The following GMDS variants were observed in gnomAD, a reference collection of about 807,000 sequenced individuals.
The protein encoded by GMDS is GDP-mannose 4,6 dehydratase.
GMDS carries 20 observed loss-of-function variants against 49.9 expected under a neutral mutation model. The ratio of observed to expected loss-of-function variants is 0.40; its 90% CI spans 0.28 to 0.58. GMDS has a LOEUF of 0.58. GMDS is among the 20% of genes least tolerant of loss of function. The pLI, the probability that GMDS is intolerant of heterozygous loss-of-function variation, is 0.42. For missense variants in GMDS, 362 were observed against 481.4 expected (o/e 0.75, Z 2.32); for synonymous variants, 177 against 178.6 (o/e 0.99, Z 0.07).
intron 9 of GMDS, among the ~76,000 whole-genome samples, chr6:1,664,316 A>G (rs1406387406): frequency 6.6e-6 from 1 of 152,208 alleles, no homozygotes; most frequent in African/African-American, 2.4e-5. Flanking sequence ...GGATCATCCA[A>G]GCATCTCCTT....
At chr6:1,659,155 T>C (rs1763985011) in intron 9 of GMDS, among the ~76,000 whole-genome samples, 1 of 151,310 alleles carries the variant, frequency 6.6e-6, no homozygotes, top group Non-Finnish European at 1.5e-5. Context: ...TCCTGCTCTG[T>C]GGAGGGAGGC....
intron 1 of GMDS, among the ~76,000 whole-genome samples, chr6:2,214,935 T>C (rs1238552666): frequency 1.3e-5 from 2 of 152,192 alleles, no homozygotes; most frequent in Admixed American, 6.5e-5. Context: ...TCTTCAATGG[T>C]TGCTGATATT....
At chr6:2,039,215 T>G (rs1039108835) in intron 4 of GMDS, among the ~76,000 whole-genome samples, 1 of 152,154 alleles carries the variant, frequency 6.6e-6, no homozygotes, top group African/African-American at 2.4e-5. Context: ...TGAAAAATGG[T>G]ACATCCGTAT....
At chr6:1,726,578 C>T in intron 8 of GMDS, 66 bp from the exon 9 acceptor site, 1 of 1,128,320 alleles carries the variant, frequency 8.9e-7, no homozygotes, top group East Asian at 2.3e-5. Context: ...TGCTGTAGCA[C>T]CTTGGGATGC....
chr6:1,810,455 G>A (rs2113678923), intron 7 of GMDS, among the ~76,000 whole-genome samples: 1 of 152,170 alleles, frequency 6.6e-6, no homozygotes, highest in African/African-American at 2.4e-5. Flanking sequence ...GCTAATTTTT[G>A]TATTTTTAGT....
chr6:2,111,781 CTTT>C (rs915469036), intron 4 of GMDS, among the ~76,000 whole-genome samples: 1 of 152,144 alleles, frequency 6.6e-6, no homozygotes, highest in African/African-American at 2.4e-5. Context: ...TCAGAAGTAA[CTTT>C]TTTTGTCTAA....
chr6:1,987,858 A>G (rs1028498769), intron 4 of GMDS, among the ~76,000 whole-genome samples: 3 of 152,210 alleles, frequency 2.0e-5, no homozygotes, highest in Admixed American at 6.5e-5. Flanking sequence ...CCATTTAAGT[A>G]TTATGACAAG....
chr6:1,639,315 C>T (rs551086450), intron 9 of GMDS, among the ~76,000 whole-genome samples: 22 of 152,328 alleles, frequency 1.4e-4, no homozygotes, highest in African/African-American at 3.1e-4. Flanking sequence ...ACGCAGGAGG[C>T]GCTCACAGGC....
At chr6:1,915,916 T>C (rs924510682) in intron 7 of GMDS, among the ~76,000 whole-genome samples, 1 of 152,226 alleles carries the variant, frequency 6.6e-6, no homozygotes, top group African/African-American at 2.4e-5. Context: ...CAAGGAAGGC[T>C]TTGACTTTAA....
intron 1 of GMDS, among the ~76,000 whole-genome samples, chr6:2,222,698 G>A (rs1780647137): frequency 2.0e-5 from 3 of 152,184 alleles, no homozygotes. Context: ...TGAGTGGCAG[G>A]TTTCCAGGCG....
intron 9 of GMDS, among the ~76,000 whole-genome samples, chr6:1,721,223 A>G (rs1292885038): frequency 6.6e-6 from 1 of 152,168 alleles, no homozygotes; most frequent in African/African-American, 2.4e-5. Flanking sequence ...AGCATATGGT[A>G]ATTTGATCAG....
chr6:2,052,321 G>C (rs555558181), intron 4 of GMDS, among the ~76,000 whole-genome samples: 12 of 151,786 alleles, frequency 7.9e-5, no homozygotes, highest in Non-Finnish European at 1.6e-4. Flanking sequence ...TTTCTTTACC[G>C]GTAGTAGTAC....
At chr6:2,223,651 C>T (rs953157179) in intron 1 of GMDS, among the ~76,000 whole-genome samples, 3 of 151,902 alleles carry the variant, frequency 2.0e-5, no homozygotes, top group Non-Finnish European at 2.9e-5. Context: ...GAAAGGAGGA[C>T]GATAGGATGA....
At chr6:1,960,536 G>A (rs944987444) in intron 5 of GMDS, among the ~76,000 whole-genome samples, 5 of 152,124 alleles carry the variant, frequency 3.3e-5, no homozygotes, top group South Asian at 2.1e-4. Flanking sequence ...AATGAACATG[G>A]GTTGGTGAAG....
chr6:1,925,963 C>A (rs1418206397), intron 7 of GMDS, among the ~76,000 whole-genome samples: 2 of 152,196 alleles, frequency 1.3e-5, no homozygotes, highest in African/African-American at 4.8e-5. Flanking sequence ...AGCATACCAA[C>A]AGGCACCAGC....
chr6:1,995,415 G>A (rs1766216183), intron 4 of GMDS, among the ~76,000 whole-genome samples: 3 of 152,182 alleles, frequency 2.0e-5, no homozygotes, highest in African/African-American at 7.2e-5. Context: ...AAGATGGGAA[G>A]CAAACCAACA....
chr6:2,041,171 A>G (rs1769651752), intron 4 of GMDS, among the ~76,000 whole-genome samples: 1 of 152,250 alleles, frequency 6.6e-6, no homozygotes, highest in Non-Finnish European at 1.5e-5. Context: ...GCATGTAAAT[A>G]TGTATACAAA....
Position 2,075,990 on chromosome 6 carries a change from C to A in GMDS, c.345+39781G>T, listed in dbSNP as rs1332006633. ...GGTATCTCACTGTGGTTTTGATTTG[C>A]ATTTCTCTGATGGCCAGTGATGATG... On this transcript the variant is annotated intron_variant, in intron 4 of 10. Coordinates refer to ENST00000380815, the MANE Select transcript of GMDS (RefSeq NM_001500.4). Among the ~76,000 whole-genome samples the A allele has an allele frequency of 2.0e-5, 3 of 152,134 alleles. No homozygotes were observed. In the East Asian group the frequency reaches 5.8e-4, roughly 29 times the overall value.
chr6:1,865,652 G>C (rs754376086), intron 7 of GMDS, among the ~76,000 whole-genome samples: 1 of 152,164 alleles, frequency 6.6e-6, no homozygotes, highest in Non-Finnish European at 1.5e-5. Context: ...AAGGAAAAAA[G>C]ATGTTAGAGA....
Sources: allele counts gnomAD v4.1 joint callset (sites outside exome capture counted in the v4.1 genomes callset), GRCh38; gene constraint gnomAD v4.1.1; transcripts MANE v1.5; gene names NCBI Gene and HGNC (gene_info 2026-07-23, HGNC 2026-07-21).